The following SMYD3 variants were observed in gnomAD, a reference collection of about 807,000 sequenced individuals.
The protein encoded by SMYD3 is histone-lysine N-methyltransferase SMYD3.
In SMYD3, 36 loss-of-function variants were observed where a neutral mutation model predicts 57.7. The observed-to-expected ratio is 0.62, with a 90% CI of 0.48 to 0.82. The LOEUF is 0.82. SMYD3 is among the 40% of genes least tolerant of loss of function. The pLI is 0.00. For synonymous variants in SMYD3, 211 were observed against 195.0 expected (o/e 1.08, Z -0.68); for missense variants, 515 against 538.8 (o/e 0.96, Z 0.44).
At chr1:245,873,508 G>C (rs1190087285) in intron 8 of SMYD3, among the ~76,000 whole-genome samples, 1 of 152,156 alleles carries the variant, frequency 6.6e-6, no homozygotes, top group Non-Finnish European at 1.5e-5. Flanking sequence ...TTAAGATAAA[G>C]TACACCTCCA....
chr1:246,031,617 G>C (rs2059676009), intron 5 of SMYD3, among the ~76,000 whole-genome samples: 1 of 151,806 alleles, frequency 6.6e-6, no homozygotes, highest in African/African-American at 2.4e-5. Flanking sequence ...GGCGCCTGTA[G>C]TCCCAGCTAC....
intron 5 of SMYD3, among the ~76,000 whole-genome samples, chr1:246,165,835 A>T (rs2062199451): frequency 6.6e-6 from 1 of 152,144 alleles, no homozygotes. Context: ...GGGTAAGAAA[A>T]ATTCACACAT....
chr1:245,767,753 G>A (rs918746541), intron 10 of SMYD3, among the ~76,000 whole-genome samples: 2 of 152,202 alleles, frequency 1.3e-5, no homozygotes, highest in African/African-American at 2.4e-5. Context: ...GCACACACAC[G>A]TGCAAAGCTA....
At chr1:246,030,031 G>T (rs765499713) in intron 5 of SMYD3, among the ~76,000 whole-genome samples, 79 of 137,946 alleles carry the variant, frequency 5.7e-4, no homozygotes, top group Middle Eastern at 3.8e-3. Context: ...TTTTACAAAA[G>T]AAAGGAAATC....
chr1:246,269,543 C>CTT (rs570972296), intron 5 of SMYD3, among the ~76,000 whole-genome samples: 22,279 of 134,762 alleles, frequency 0.17, 2,032 homozygotes, highest in East Asian at 0.3. Flanking sequence ...CTTTTTTTTT[C>CTT]TTTTTTTTTT....
chr1:246,001,824 T>C (rs2059052864), intron 5 of SMYD3, among the ~76,000 whole-genome samples: 1 of 152,170 alleles, frequency 6.6e-6, no homozygotes, highest in Non-Finnish European at 1.5e-5. Flanking sequence ...TTTTGGGAGC[T>C]GGCAGCTACT....
chr1:245,950,302 C>T (rs11810185), intron 5 of SMYD3, among the ~76,000 whole-genome samples: 19,228 of 152,180 alleles, frequency 0.13, 1,648 homozygotes, highest in East Asian at 0.5. Flanking sequence ...CCAATTCCCA[C>T]GTGCCCACAA....
chr1:246,142,426 G>A (rs2061771564), intron 5 of SMYD3, among the ~76,000 whole-genome samples: 1 of 151,622 alleles, frequency 6.6e-6, no homozygotes, highest in Non-Finnish European at 1.5e-5. Context: ...CTTCTTTTTG[G>A]CATATCCAAA....
intron 5 of SMYD3, among the ~76,000 whole-genome samples, chr1:246,325,451 A>G (rs2065334077): frequency 6.6e-6 from 1 of 152,146 alleles, no homozygotes; most frequent in Non-Finnish European, 1.5e-5. Context: ...TTAATGCAGA[A>G]GTGACACACT....
chr1:245,831,001 C>T (rs890827853), intron 10 of SMYD3, among the ~76,000 whole-genome samples: 3 of 152,256 alleles, frequency 2.0e-5, no homozygotes, highest in African/African-American at 7.2e-5. Context: ...GTTTCTCTCA[C>T]CACAAACAGC....
At chr1:246,496,704 T>C (rs1485694323) in intron 1 of SMYD3, among the ~76,000 whole-genome samples, 1 of 152,016 alleles carries the variant, frequency 6.6e-6, no homozygotes, top group Non-Finnish European at 1.5e-5. Context: ...GGTGCATGCC[T>C]GTGGTCCCAG....
intron 1 of SMYD3, among the ~76,000 whole-genome samples, chr1:246,395,780 A>ACGG (rs1558443052): frequency 1.9e-4 from 29 of 150,128 alleles, no homozygotes; most frequent in African/African-American, 7.2e-4. Flanking sequence ...GGAACCCACC[A>ACGG]TGGTCAGACA....
chr1:246,032,856 G>A lies in SMYD3; in HGVS notation c.532-102919C>T, dbSNP rs2059702509. Among the ~76,000 whole-genome samples the A allele has an allele frequency of 2.0e-5, 3 of 152,138 alleles. No homozygotes were observed. The South Asian group carries it at 6.2e-4, about 32-fold the overall frequency. ...AGATTTGGAGAGTTCAGGCAGACATGGGTTCAAGTACTGGCTCCACTACTT... is the reference window on the plus strand; with the variant it reads ...AGATTTGGAGAGTTCAGGCAGACATAGGTTCAAGTACTGGCTCCACTACTT... On this transcript the variant is annotated intron_variant, in intron 5 of 11. Transcript: ENST00000490107.
intron 5 of SMYD3, among the ~76,000 whole-genome samples, chr1:246,050,973 T>C (rs905127427): frequency 3.3e-4 from 50 of 152,218 alleles, no homozygotes; most frequent in African/African-American, 1.2e-3. Flanking sequence ...TAGGATCATA[T>C]GATGAGAGGT....
intron 1 of SMYD3, among the ~76,000 whole-genome samples, chr1:246,460,917 A>T (rs2067787900): frequency 6.6e-6 from 1 of 152,236 alleles, no homozygotes; most frequent in Non-Finnish European, 1.5e-5. Context: ...TACCACACTT[A>T]CAATGAATGC....
At chr1:246,326,684 A>G (rs367787876) in intron 5 of SMYD3, 94 of 308,216 alleles carry the variant, frequency 3.0e-4, no homozygotes, top group African/African-American at 1.8e-3. Flanking sequence ...GACTCGCTTG[A>G]TTCTGGGAGG....
chr1:245,977,835 T>C (rs2058490274), intron 5 of SMYD3, among the ~76,000 whole-genome samples: 1 of 152,242 alleles, frequency 6.6e-6, no homozygotes, highest in African/African-American at 2.4e-5. Context: ...GCAGGGAACA[T>C]ACTACTTTTA....
chr1:245,947,258 C>T (rs2057456251), intron 5 of SMYD3: 1 of 409,734 alleles, frequency 2.4e-6, no homozygotes, highest in South Asian at 1.8e-5. Context: ...AAATCGGCTA[C>T]AAAAGAGCAA....
chr1:245,902,393 G>A (rs1181855240), intron 8 of SMYD3, among the ~76,000 whole-genome samples: 1 of 152,190 alleles, frequency 6.6e-6, no homozygotes, highest in Non-Finnish European at 1.5e-5. Flanking sequence ...GGGGACCTGA[G>A]AACCAGCTCT....
Sources: allele counts gnomAD v4.1 joint callset (sites outside exome capture counted in the v4.1 genomes callset), GRCh38; gene constraint gnomAD v4.1.1; transcripts MANE v1.5; gene names NCBI Gene and HGNC (gene_info 2026-07-23, HGNC 2026-07-21).